Variants in ARB2A observed in about 807,000 individuals in gnomAD.
The protein encoded by ARB2A is cotranscriptional regulator ARB2A.
At chr5:94,070,390 TTAGA>T in the ARB2A span, among the ~76,000 whole-genome samples, 2 of 151,830 alleles carry the variant, frequency 1.3e-5, no homozygotes, top group East Asian at 1.9e-4. Context: ...AAACATACAG[TTAGA>T]TAGAAGGGAT....
chr5:93,695,658 C>T, the ARB2A span, among the ~76,000 whole-genome samples: 2 of 152,116 alleles, frequency 1.3e-5, no homozygotes, highest in Non-Finnish European at 2.9e-5. Flanking sequence ...CCAGAAATAC[C>T]ATTTGACCCA....
At chr5:93,906,993 C>T in the ARB2A span, among the ~76,000 whole-genome samples, 1 of 151,598 alleles carries the variant, frequency 6.6e-6, no homozygotes, top group East Asian at 1.9e-4. Flanking sequence ...TGCTTACTCT[C>T]TTGCTGTCTA....
At chr5:94,035,968 T>C in the ARB2A span, among the ~76,000 whole-genome samples, 4 of 151,956 alleles carry the variant, frequency 2.6e-5, no homozygotes, top group Non-Finnish European at 5.9e-5. Context: ...GTAACAAACC[T>C]GCATGTTCTG....
the ARB2A span, among the ~76,000 whole-genome samples, chr5:93,705,531 G>A: frequency 6.6e-6 from 1 of 151,578 alleles, no homozygotes; most frequent in African/African-American, 2.4e-5. Context: ...ATTAAGGTCT[G>A]AAACTTCCTG....
the ARB2A span, among the ~76,000 whole-genome samples, chr5:93,820,264 G>A: frequency 1.3e-5 from 2 of 152,120 alleles, no homozygotes; most frequent in African/African-American, 4.8e-5. Context: ...GGTGTGCTGA[G>A]ATCAATAACT....
chr5:93,890,785 A>G, the ARB2A span, among the ~76,000 whole-genome samples: 3 of 152,076 alleles, frequency 2.0e-5, no homozygotes, highest in Non-Finnish European at 4.4e-5. Context: ...TCTTTAGCCA[A>G]AAGGACACAA....
the ARB2A span, among the ~76,000 whole-genome samples, chr5:93,732,981 T>C: frequency 6.6e-6 from 1 of 152,176 alleles, no homozygotes; most frequent in Non-Finnish European, 1.5e-5. Flanking sequence ...TTTAATAAGT[T>C]GTTTTGCTTC....
At chr5:93,983,462 G>A in the ARB2A span, among the ~76,000 whole-genome samples, 1 of 152,006 alleles carries the variant, frequency 6.6e-6, no homozygotes, top group Admixed American at 6.5e-5. Flanking sequence ...GGCAGCAATA[G>A]ATCATATCAC....
At chr5:93,889,830 C>G in the ARB2A span, among the ~76,000 whole-genome samples, 1 of 151,716 alleles carries the variant, frequency 6.6e-6, no homozygotes, top group East Asian at 1.9e-4. Flanking sequence ...TCATAAAAAC[C>G]TGAAATATGG....
chr5:94,025,131 A>G, the ARB2A span, among the ~76,000 whole-genome samples: 1 of 152,386 alleles, frequency 6.6e-6, no homozygotes, highest in African/African-American at 2.4e-5. Context: ...GGAGCAAAGC[A>G]GGCATAGATG....
the ARB2A span, among the ~76,000 whole-genome samples, chr5:93,652,753 C>T: frequency 3.9e-5 from 6 of 152,170 alleles, no homozygotes; most frequent in Non-Finnish European, 8.8e-5. Flanking sequence ...CTATGACACA[C>T]AGAAGGAATT....
At chr5:93,632,888 A>G in the ARB2A span, among the ~76,000 whole-genome samples, 1 of 152,208 alleles carries the variant, frequency 6.6e-6, no homozygotes, top group Non-Finnish European at 1.5e-5. Context: ...CATTTTGCTA[A>G]CAATTCTGCT....
At chr5:93,944,019 G>A in the ARB2A span, among the ~76,000 whole-genome samples, 1 of 152,042 alleles carries the variant, frequency 6.6e-6, no homozygotes, top group Non-Finnish European at 1.5e-5. Flanking sequence ...TAACAGTTTA[G>A]GTAGTCTTTA....
At chr5:93,761,332 C>T in the ARB2A span, among the ~76,000 whole-genome samples, 2 of 152,118 alleles carry the variant, frequency 1.3e-5, no homozygotes, top group Admixed American at 1.3e-4. Flanking sequence ...ACAGACGGCA[C>T]CTGGAAAATC....
At chr5:93,943,768 A>T in the ARB2A span, among the ~76,000 whole-genome samples, 2 of 152,158 alleles carry the variant, frequency 1.3e-5, no homozygotes, top group African/African-American at 2.4e-5. Context: ...ATTTCACACC[A>T]TATTCTAGAT....
chr5:93,968,070 T>C, the ARB2A span, among the ~76,000 whole-genome samples: 6 of 152,162 alleles, frequency 3.9e-5, no homozygotes. Context: ...CACAATCTAA[T>C]GCCTAGCCAA....
chr5:93,954,566 T>C, the ARB2A span, among the ~76,000 whole-genome samples: 1 of 151,884 alleles, frequency 6.6e-6, no homozygotes, highest in Admixed American at 6.6e-5. Flanking sequence ...GGAGTTTCTC[T>C]TGGGCTGCGA....
At chr5:94,109,669 C>T in the ARB2A span, among the ~76,000 whole-genome samples, 1 of 152,134 alleles carries the variant, frequency 6.6e-6, no homozygotes, top group Non-Finnish European at 1.5e-5. Context: ...TGCCTACATC[C>T]TTGCTATTCC....
chr5:93,683,602 T>C, the ARB2A span: 1 of 1,476,768 alleles, frequency 6.8e-7, no homozygotes, highest in East Asian at 2.3e-5. Flanking sequence ...TAACTGGCGC[T>C]CATTTTCATC....
Sources: gnomAD v4.1 joint callset for allele counts (sites outside exome capture counted in the v4.1 genomes callset) on GRCh38, gnomAD v4.1.1 for gene constraint, MANE v1.5 for transcripts, NCBI Gene and HGNC (gene_info 2026-07-23, HGNC 2026-07-21) for gene names.